LRP1B: variants seen among roughly 807,000 people sequenced by gnomAD.
LRP1B encodes the protein low-density lipoprotein receptor-related protein 1B.
Under a neutral mutation model 556.6 loss-of-function variants are expected in LRP1B, and 217 were observed. That is an observed-to-expected ratio of 0.39 (90% CI 0.35 to 0.44). LRP1B has a LOEUF of 0.44. Among genes scored for constraint, LRP1B ranks in the 20% least tolerant of loss-of-function variants. LRP1B has a pLI of 1.00. For synonymous variants in LRP1B, 2,047 were observed against 1,865.8 expected, an observed-to-expected ratio of 1.10 and a Z score of -2.50; for missense variants, 5,053 against 5,620.8, an observed-to-expected ratio of 0.90 and a Z score of 3.23.
intron 2 of LRP1B, among the ~76,000 whole-genome samples, chr2:141,524,457 C>T (rs34519660): frequency 0.31 from 47,165 of 151,842 alleles, 8,295 homozygotes; most frequent in Non-Finnish European, 0.4. Flanking sequence ...CTAGGTCAAG[C>T]TTGTCTGCAA....
At chr2:140,819,618 C>A (rs561737642) in intron 31 of LRP1B, among the ~76,000 whole-genome samples, 3 of 152,078 alleles carry the variant, frequency 2.0e-5, no homozygotes, top group African/African-American at 4.8e-5. Context: ...ATAATATATA[C>A]AAATGGCAAA....
At chr2:140,983,756 A>G (rs894394659) in intron 17 of LRP1B, among the ~76,000 whole-genome samples, 6 of 152,180 alleles carry the variant, frequency 3.9e-5, no homozygotes, top group Non-Finnish European at 8.8e-5. Context: ...AAATTATTGT[A>G]GTATGTATTT....
rs550128921 is a variant in LRP1B, at chr2:141,195,286, G to A, written c.851-6703C>T. ...TGAGGCTTCCTGCCAGCAGCCACAAGAGTGAGCCTGGAAGCCAGTCTTTTA... is the reference window on the plus strand; with the variant it reads ...TGAGGCTTCCTGCCAGCAGCCACAAAAGTGAGCCTGGAAGCCAGTCTTTTA... On this transcript the variant is annotated intron_variant, in intron 6 of 90. Transcript: ENST00000389484. Among the ~76,000 whole-genome samples, 290 of 152,208 alleles carry A rather than the reference G, an allele frequency of 1.9e-3. 1 individual carries two copies. Among genetic ancestry groups the A allele is most frequent in the Non-Finnish European group, 3.4e-3 (234 of 67,994 alleles).
intron 7 of LRP1B, among the ~76,000 whole-genome samples, chr2:141,086,597 T>C (rs1700051405): frequency 6.6e-6 from 1 of 151,040 alleles, no homozygotes; most frequent in African/African-American, 2.4e-5. Context: ...TGAGGATATT[T>C]TAAGGAGGTT....
intron 2 of LRP1B, among the ~76,000 whole-genome samples, chr2:141,633,030 A>C (rs1235640948): frequency 1.3e-5 from 2 of 152,274 alleles, no homozygotes; most frequent in East Asian, 3.9e-4. Context: ...TTTCCCCAAT[A>C]TCAAACTGAC....
intron 66 of LRP1B, among the ~76,000 whole-genome samples, chr2:140,392,299 C>T (rs919354031): frequency 3.9e-5 from 6 of 151,978 alleles, no homozygotes; most frequent in African/African-American, 9.7e-5. Flanking sequence ...AAAACAGTTC[C>T]GCTGAATTTC....
At chr2:141,386,674 T>C (rs1689844691) in intron 3 of LRP1B, among the ~76,000 whole-genome samples, 1 of 151,968 alleles carries the variant, frequency 6.6e-6, no homozygotes, top group Admixed American at 6.6e-5. Context: ...TAAGCACATA[T>C]AACAATTATA....
chr2:140,554,420 A>T (rs1472114679), intron 43 of LRP1B, among the ~76,000 whole-genome samples: 7 of 152,136 alleles, frequency 4.6e-5, no homozygotes, highest in Non-Finnish European at 1.5e-5. Flanking sequence ...ATTTGTGTCA[A>T]TGAAGAGTAT....
intron 31 of LRP1B, among the ~76,000 whole-genome samples, chr2:140,815,819 A>G (rs1286726830): frequency 1.3e-5 from 2 of 152,044 alleles, no homozygotes; most frequent in Non-Finnish European, 2.9e-5. Flanking sequence ...CACAATGCCA[A>G]GCAATTTAGT....
rs1700322968 is a variant in LRP1B at position 141,096,661 on chromosome 2, A to AGAGG, written c.1014-34389_1014-34388insCCTC. 3.5e-5 allele frequency among the ~76,000 whole-genome samples: 3 copies of AGAGG among 84,728 alleles called. 1 individual carries two copies. Among genetic ancestry groups the AGAGG allele is most frequent in the East Asian group, 2.0e-3 (2 of 1,016 alleles). The allele number at this position is 84,728 out of a possible 152,430, so 55.6% of individuals were successfully genotyped here. A position where few individuals can be genotyped will look rare whatever the true frequency, so the allele number is the denominator to read the frequency against. On this transcript the variant is annotated intron_variant, in intron 7 of 90. Transcript: ENST00000389484. Reference sequence around the variant, plus strand: ...GAGAGAGAGAGAGAGAGAGAGAGAGAGAGAGAGAGAGAGAGAGAGAGAGAG... The same window carrying AGAGG: ...GAGAGAGAGAGAGAGAGAGAGAGAGAGAGGGAGAGAGAGAGAGAGAGAGAGAGAG...
chr2:140,576,262 A>G (rs1558978571), intron 43 of LRP1B, among the ~76,000 whole-genome samples: 2 of 152,170 alleles, frequency 1.3e-5, no homozygotes, highest in African/African-American at 4.8e-5. Context: ...CCACAAAACA[A>G]TTTCTCAGTG....
intron 1 of LRP1B, among the ~76,000 whole-genome samples, chr2:142,001,945 A>C (rs908461848): frequency 6.6e-6 from 1 of 152,148 alleles, no homozygotes; most frequent in Non-Finnish European, 1.5e-5. Flanking sequence ...TGGGATTTGC[A>C]CCATGAAATC....
At chr2:141,498,207 T>C (rs1683583670) in intron 2 of LRP1B, among the ~76,000 whole-genome samples, 1 of 151,908 alleles carries the variant, frequency 6.6e-6, no homozygotes, top group Non-Finnish European at 1.5e-5. Flanking sequence ...AGTGGAGTAA[T>C]ACACATTTTT....
At chr2:140,794,814 T>C (rs1463035523) in intron 32 of LRP1B, among the ~76,000 whole-genome samples, 3 of 151,950 alleles carry the variant, frequency 2.0e-5, no homozygotes, top group African/African-American at 7.3e-5. Context: ...GGTTTCTCCA[T>C]GTTGGTCAGG....
chr2:140,483,637 TA>T (rs1297549349), intron 59 of LRP1B, among the ~76,000 whole-genome samples: 2,855 of 70,610 alleles, frequency 0.04, 45 homozygotes, highest in Non-Finnish European at 0.052. Context: ...TATATATATA[TA>T]TATTTTTTTT....
rs376573282 is a variant in LRP1B at position 140,850,143 on chromosome 2, G to T, written c.4898C>A (p.Ala1633Asp). The T allele has an allele frequency of 2.7e-5, 44 of 1,613,216 alleles. No individual in the cohort carries two copies. Among genetic ancestry groups the T allele is most frequent in the Non-Finnish European group, 3.5e-5 (41 of 1,179,544 alleles). Residue 1633 changes from alanine (A) to aspartate (D), a missense_variant, in exon 29 of 91, where the codon GCT becomes GAT. Physicochemically the swap from Ala to Asp is moderately radical, Grantham distance 126. Coordinates refer to ENST00000389484, the MANE Select transcript of LRP1B (RefSeq NM_018557.3). ...TTCTAACCCAGTTCCGTTAATAAAA[G>T]CTCGTTTAATGGTTTGTGTTTTAAT... is the stretch of plus-strand genomic sequence containing the variant. ...TDIKTQTIKR[A>D]FINGTGLETV...
intron 43 of LRP1B, among the ~76,000 whole-genome samples, chr2:140,581,515 C>T (rs1010386759): frequency 1.3e-5 from 2 of 151,638 alleles, no homozygotes; most frequent in African/African-American, 4.8e-5. Context: ...TTTTACAAAT[C>T]TAATCTGAAC....
chr2:140,446,391 T>G (rs947366214), intron 63 of LRP1B, among the ~76,000 whole-genome samples: 1 of 152,184 alleles, frequency 6.6e-6, no homozygotes, highest in African/African-American at 2.4e-5. Context: ...TTTGATGCAT[T>G]GCTCTTAACT....
chr2:140,989,447 T>C, intron 17 of LRP1B, 85 bp downstream of exon 17: 1 of 1,478,894 alleles, frequency 6.8e-7, no homozygotes, highest in Non-Finnish European at 9.3e-7. Context: ...CTAGGAAAGT[T>C]CAGCTTAGTT....
Sources: gnomAD v4.1 joint callset for allele counts (sites outside exome capture counted in the v4.1 genomes callset) on GRCh38, gnomAD v4.1.1 for gene constraint, MANE v1.5 for transcripts, NCBI Gene and HGNC (gene_info 2026-07-23, HGNC 2026-07-21) for gene names.